The following RARB variants were observed in gnomAD, a reference collection of about 807,000 sequenced individuals.
The protein encoded by RARB is HBV-activated protein.
A neutral mutation model predicts 51.9 loss-of-function variants in RARB; 17 were observed. The observed-to-expected ratio is 0.33, with a 90% CI of 0.22 to 0.49. RARB has a LOEUF of 0.49. RARB is among the 20% of genes least tolerant of loss of function. RARB has a pLI of 0.99. For missense variants in RARB, 369 were observed against 550.8 expected (o/e 0.67, Z 3.30); for synonymous variants, 215 against 195.4 (o/e 1.10, Z -0.84).
At chr3:25,303,472 T>A (rs1212555795) in intron 5 of RARB, among the ~76,000 whole-genome samples, 1 of 152,150 alleles carries the variant, frequency 6.6e-6, no homozygotes, top group Non-Finnish European at 1.5e-5. Context: ...AAGGAGTAAG[T>A]GAAGCAAAAG....
chr3:24,954,124 T>C (rs969559118), intron 2 of RARB, among the ~76,000 whole-genome samples: 1 of 152,208 alleles, frequency 6.6e-6, no homozygotes, highest in Non-Finnish European at 1.5e-5. Flanking sequence ...TCCTGCTCTT[T>C]TTATGGGTAC....
At chr3:24,900,002 T>C (rs747521122) in intron 2 of RARB, among the ~76,000 whole-genome samples, 12 of 152,250 alleles carry the variant, frequency 7.9e-5, no homozygotes, top group South Asian at 2.1e-4. Flanking sequence ...TAAGCATTTT[T>C]TCATTTGGAC....
chr3:25,017,058 A>G (rs893732501), intron 2 of RARB, among the ~76,000 whole-genome samples: 1 of 152,190 alleles, frequency 6.6e-6, no homozygotes, highest in Non-Finnish European at 1.5e-5. Context: ...TTAAGGAGAA[A>G]GGAATTAGGC....
At chr3:24,934,880 A>G (rs957397661) in intron 2 of RARB, among the ~76,000 whole-genome samples, 3 of 152,160 alleles carry the variant, frequency 2.0e-5, no homozygotes, top group Admixed American at 1.3e-4. Context: ...AGCAAAAAGC[A>G]AATTGGTACA....
At chr3:25,392,683 T>C (rs1435334744) in intron 5 of RARB, among the ~76,000 whole-genome samples, 1 of 152,120 alleles carries the variant, frequency 6.6e-6, no homozygotes, top group African/African-American at 2.4e-5. Flanking sequence ...TATTTAATTC[T>C]CAGCTTGGTC....
chr3:25,428,322 G>A lies in RARB; in HGVS notation c.-410G>A. 1.6e-6 allele frequency: 2 copies of A among 1,245,940 alleles called. No individual in the cohort carries two copies. Among genetic ancestry groups the A allele is most frequent in the Middle Eastern group, 3.1e-4 (1 of 3,248 alleles). The allele number at this position is 1,245,940 out of a possible 1,614,324, so 77.2% of individuals were successfully genotyped here. A position where few individuals can be genotyped will look rare whatever the true frequency, so the allele number is the denominator to read the frequency against. Reference sequence around the variant, plus strand: ...GCAGGAGGGTCTATTCTTTGCCAAAGGGGGGACCAGAATTCCCCCATGCGA... The same window carrying A: ...GCAGGAGGGTCTATTCTTTGCCAAAAGGGGGACCAGAATTCCCCCATGCGA... On this transcript the variant is annotated 5_prime_UTR_variant, in exon 1 of 8. Coordinates refer to ENST00000330688, the MANE Select transcript of RARB (RefSeq NM_000965.5).
At chr3:25,495,834 C>A (rs1696998977) in intron 2 of RARB, among the ~76,000 whole-genome samples, 1 of 152,130 alleles carries the variant, frequency 6.6e-6, no homozygotes, top group Non-Finnish European at 1.5e-5. Flanking sequence ...TCATAATTAA[C>A]CAACAAGAAT....
intron 5 of RARB, among the ~76,000 whole-genome samples, chr3:25,178,814 G>A (rs1700807349): frequency 6.6e-6 from 1 of 152,144 alleles, no homozygotes; most frequent in Non-Finnish European, 1.5e-5. Flanking sequence ...GCTATGCCAG[G>A]GAACACTCAA....
intron 5 of RARB, among the ~76,000 whole-genome samples, chr3:25,591,936 C>T (rs1701628538): frequency 6.6e-6 from 1 of 152,180 alleles, no homozygotes; most frequent in Non-Finnish European, 1.5e-5. Flanking sequence ...CATTGCAGTA[C>T]AACTGTCCCA....
intron 3 of RARB, among the ~76,000 whole-genome samples, chr3:25,084,312 G>A (rs911379788): frequency 6.6e-6 from 1 of 152,058 alleles, no homozygotes; most frequent in African/African-American, 2.4e-5. Context: ...TAAAACAGTT[G>A]CTGTATGTGT....
intron 3 of RARB, among the ~76,000 whole-genome samples, chr3:25,118,027 TCCAAGATAGGAGG>T (rs1699719873): frequency 6.6e-6 from 1 of 152,150 alleles, no homozygotes; most frequent in South Asian, 2.1e-4. Flanking sequence ...TTTCTAGCAG[TCCAAGATAGGAGG>T]CAAACATGAT....
At chr3:25,117,451 A>C (rs1373893239) in intron 3 of RARB, among the ~76,000 whole-genome samples, 1 of 152,176 alleles carries the variant, frequency 6.6e-6, no homozygotes, top group Admixed American at 6.6e-5. Context: ...CCAATCAAAG[A>C]GCACTCATTC....
At chr3:24,860,178 A>G (rs890935447) in intron 2 of RARB, among the ~76,000 whole-genome samples, 1 of 152,194 alleles carries the variant, frequency 6.6e-6, no homozygotes, top group Non-Finnish European at 1.5e-5. Flanking sequence ...GGTAGGCATC[A>G]TATCTTTAGC....
At chr3:24,910,129 G>T (rs967289220) in intron 2 of RARB, among the ~76,000 whole-genome samples, 1 of 152,136 alleles carries the variant, frequency 6.6e-6, no homozygotes. Context: ...ACCTCAGGCA[G>T]TCTGACTCTT....
intron 2 of RARB, among the ~76,000 whole-genome samples, chr3:25,482,557 T>TTTTG (rs1457343089): frequency 1.2e-5 from 1 of 84,014 alleles, no homozygotes; most frequent in African/African-American, 3.8e-5. Context: ...TTTTTTTTTT[T>TTTTG]GAGACGGAGT....
rs1706437881 is a variant in RARB, at chr3:25,375,615, G to A, written c.179-85578G>A. Reference sequence around the variant, plus strand: ...TATAGGTCAAACAGTGAATACATTTGTCTGAAGCAAACTTGGATTCTTGAG... The same window carrying A: ...TATAGGTCAAACAGTGAATACATTTATCTGAAGCAAACTTGGATTCTTGAG... On this transcript the variant is annotated intron_variant, in intron 5 of 11. Coordinates refer to the RARB transcript ENST00000383772. Among the ~76,000 whole-genome samples, 3 of 152,168 alleles carry A rather than the reference G, an allele frequency of 2.0e-5. 1 individual carries two copies. The highest frequency in any genetic ancestry group is 2.0e-4 in the Admixed American group (3 of 15,266).
chr3:24,864,073 T>C (rs754631163), intron 2 of RARB, among the ~76,000 whole-genome samples: 1 of 152,234 alleles, frequency 6.6e-6, no homozygotes, highest in South Asian at 2.1e-4. Context: ...TAGACAAGTT[T>C]CACTAACTTT....
chr3:24,988,357 A>G (rs1696838099), intron 2 of RARB, among the ~76,000 whole-genome samples: 1 of 152,210 alleles, frequency 6.6e-6, no homozygotes, highest in African/African-American at 2.4e-5. Context: ...ATTTTTAATC[A>G]TGTTTTTAAA....
chr3:24,999,521 C>T (rs1426405547), intron 2 of RARB, among the ~76,000 whole-genome samples: 4 of 152,134 alleles, frequency 2.6e-5, no homozygotes, highest in African/African-American at 4.8e-5. Context: ...TACTTTTGTA[C>T]ATGTCTTCAT....
Sources: allele counts gnomAD v4.1 joint callset (sites outside exome capture counted in the v4.1 genomes callset), GRCh38; gene constraint gnomAD v4.1.1; transcripts MANE v1.5; gene names NCBI Gene and HGNC (gene_info 2026-07-23, HGNC 2026-07-21).